APC: variants seen among roughly 807,000 people sequenced by gnomAD.
The protein encoded by APC is APC regulator of Wnt signaling pathway.
APC carries 72 observed loss-of-function variants against 247.0 expected under a neutral mutation model. That is an observed-to-expected ratio of 0.29 (90% CI 0.24 to 0.35). APC has a LOEUF of 0.35. Among genes scored for constraint, APC ranks in the 10% least tolerant of loss-of-function variants. The pLI, the probability that APC is intolerant of heterozygous loss-of-function variation, is 1.00. For missense variants in APC, 3,400 were observed against 3,360.7 expected (o/e 1.01, Z -0.29); for synonymous variants, 1,254 against 1,162.5 (o/e 1.08, Z -1.60).
intron 1 of APC, among the ~76,000 whole-genome samples, chr5:112,752,854 C>G (rs757393971): frequency 8.6e-5 from 13 of 152,018 alleles, no homozygotes; most frequent in Non-Finnish European, 1.6e-4. Flanking sequence ...GATTGGGAAT[C>G]TGGAGTTAAG....
intron 10 of APC, among the ~76,000 whole-genome samples, chr5:112,819,940 G>A (rs1762946840): frequency 1.3e-5 from 2 of 152,052 alleles, no homozygotes; most frequent in Non-Finnish European, 2.9e-5. Flanking sequence ...CAGATCTCCT[G>A]ACTCTCAGCT....
intron 15 of APC, among the ~76,000 whole-genome samples, chr5:112,835,954 G>A (rs1193284627): frequency 2.0e-5 from 3 of 150,658 alleles, no homozygotes; most frequent in East Asian, 1.9e-4. Context: ...TTCAGATACA[G>A]GGCACACATT....
upstream of APC, among the ~76,000 whole-genome samples, chr5:112,735,068 A>C (rs1752306184): frequency 6.6e-6 from 1 of 152,170 alleles, no homozygotes. Flanking sequence ...CATTTACTAA[A>C]AGCAATGAAG....
chr5:112,717,902 C>CTTTTTTTTTTTTTTTTTTTTTTT (rs1289888067), intron 1 of APC, among the ~76,000 whole-genome samples: 5 of 22,302 alleles, frequency 2.2e-4, no homozygotes, highest in East Asian at 1.3e-3. Context: ...TTTTCTTTTT[C>CTTTTTTTTTTTTTTTTTTTTTTT]TTTTTCTTTT....
At position 112,842,435 on chromosome 5, in the gene APC, G is replaced by A. The variant is rs1236451833; in HGVS notation, c.6841G>A (p.Glu2281Lys). The A allele has an allele frequency of 6.2e-7, 1 of 1,613,984 alleles. No individual in the cohort carries two copies. Among genetic ancestry groups the A allele is most frequent in the South Asian group, 1.1e-5 (1 of 91,076 alleles). Residue 2281 changes from glutamate to lysine, a missense_variant, in exon 16 of 16, where the codon GAA becomes AAA. Glu to Lys is a moderately conservative substitution (Grantham distance 56). Transcript: ENST00000257430. ...PRGAKPSVKS[E>K]LSPVARQTSQ... Reference sequence around the variant, plus strand: ...AGGAGCCAAGCCATCTGTGAAATCAGAATTAAGCCCTGTTGCCAGGCAGAC... The same window carrying A: ...AGGAGCCAAGCCATCTGTGAAATCAAAATTAAGCCCTGTTGCCAGGCAGAC...
At chr5:112,782,733 A>T (rs1758485187) in intron 6 of APC, among the ~76,000 whole-genome samples, 2 of 152,216 alleles carry the variant, frequency 1.3e-5, no homozygotes, top group Non-Finnish European at 2.9e-5. Context: ...GTATTTCTTA[A>T]GAAAGACTTA....
rs747739964 is a variant in APC, at chr5:112,827,154, G to A, written c.1455G>A (p.Met485Ile). 3 of 1,613,730 alleles carry A rather than the reference G, an allele frequency of 1.9e-6. No individual in the cohort carries two copies. Among genetic ancestry groups the A allele is most frequent in the East Asian group, 4.5e-5 (2 of 44,830 alleles). ...AATTATTGCAAGTGGACTGTGAAAT[G>A]TATGGGCTTACTAATGACCACTACA... is the stretch of plus-strand genomic sequence containing the variant. ...IAELLQVDCE[M>I]YGLTNDHYSI... The change falls in exon 12 of 16, where the codon ATG becomes ATA. Residue 485 changes from methionine (M) to isoleucine (I), a missense_variant. Physicochemically the swap from Met to Ile is conservative, Grantham distance 10. Transcript: ENST00000257430.
Position 112,840,773 on chromosome 5 carries a change from T to C in APC, c.5179T>C (p.Cys1727Arg), listed in dbSNP as rs758815860. 9.9e-6 allele frequency: 16 copies of C among 1,613,918 alleles called. No homozygotes were observed. Among genetic ancestry groups the C allele is most frequent in the African/African-American group, 2.7e-5 (2 of 74,924 alleles). The change falls in exon 16 of 16, where the codon TGC becomes CGC. Residue 1727 changes from cysteine (C) to arginine (R), a missense_variant. Cys to Arg is a radical substitution (Grantham distance 180). Coordinates refer to ENST00000257430, the MANE Select transcript of APC (RefSeq NM_000038.6). The surrounding 1 kb of genome is among the most constrained non-coding windows in gnomAD (Gnocchi z 4.1). Reference sequence around the variant, plus strand: ...AGAGGAAGGTGATATTCTTGCAGAATGCATTAATTCTGCTATGCCCAAAGG... The same window carrying C: ...AGAGGAAGGTGATATTCTTGCAGAACGCATTAATTCTGCTATGCCCAAAGG... ...KAEEGDILAE[C>R]INSAMPKGKS...
chr5:112,707,649 G>C lies in APC; in HGVS notation c.-69G>C, dbSNP rs2149630009. 1.5e-6 allele frequency: 2 copies of C among 1,362,392 alleles called. No homozygotes were observed. The highest frequency in any genetic ancestry group is 1.9e-6 in the Non-Finnish European group (2 of 1,031,608). 84.4% of individuals were successfully genotyped at this position (1,362,392 alleles called of 1,614,324 possible). A position where few individuals can be genotyped will look rare whatever the true frequency, so the allele number is the denominator to read the frequency against. On this transcript the variant is annotated 5_prime_UTR_variant, in exon 1 of 14. Transcript: ENST00000507379. The stretch of plus-strand genomic sequence containing the variant: ...CGAGGTTGGCTCGATGCTGTTCCCA[G>C]GTACTGTTGTTGGCTGTTGGTGAGG...
intron 1 of APC, among the ~76,000 whole-genome samples, chr5:112,724,667 G>C (rs1751676116): frequency 6.6e-6 from 1 of 152,130 alleles, no homozygotes; most frequent in African/African-American, 2.4e-5. Context: ...TTTGGGAGAG[G>C]TCATCTAAAT....
At chr5:112,835,317 C>A (rs2149845530) in intron 15 of APC, 152 bp downstream of exon 15, 1 of 730,016 alleles carries the variant, frequency 1.4e-6, no homozygotes, top group South Asian at 1.8e-5. Flanking sequence ...TAGTTTAACT[C>A]ATTAGTGTAC....
chr5:112,744,380 C>A (rs1045477199), intron 1 of APC, among the ~76,000 whole-genome samples: 3 of 152,066 alleles, frequency 2.0e-5, no homozygotes, highest in African/African-American at 7.2e-5. Context: ...GTATATTTGT[C>A]TTTTATATGG....
intron 2 of APC, among the ~76,000 whole-genome samples, chr5:112,763,021 C>T (rs1352336098): frequency 6.6e-6 from 1 of 152,162 alleles, no homozygotes; most frequent in Non-Finnish European, 1.5e-5. Context: ...AGTAATTTAA[C>T]ACATCATTGG....
rs141454910 is a variant in APC at position 112,842,731 on chromosome 5, C to G, written c.7137C>G (p.Thr2379=). 19 of 1,613,794 alleles carry G rather than the reference C, an allele frequency of 1.2e-5. No homozygotes were observed. The African/African-American group carries it at 2.5e-4, about 22-fold the overall frequency. ...PGRQMSQQNL[T]KQTGLSKNAS... is the part of the protein sequence containing the mutation. The stretch of plus-strand genomic sequence containing the variant: ...GACAGATGAGCCAACAGAACCTTAC[C>G]AAACAAACAGGTTTATCCAAGAATG... The change falls in exon 16 of 16, where the codon ACC becomes ACG. Residue 2379 remains threonine (T), a synonymous_variant. Transcript: ENST00000257430.
At position 112,767,189 on chromosome 5, in the gene APC, A is replaced by G. The variant is rs773347338; in HGVS notation, c.221A>G (p.Glu74Gly). ...GQIDLLERLK[E>G]LNLDSSNFPG... ...AAAAACTTGTTTCTATTTTATTTAG[A>G]GCTTAACTTAGATAGCAGTAATTTC... The change falls in exon 4 of 16, where the codon GAG (glutamate) becomes GGG (glycine). Residue 74 changes from glutamate (E) to glycine (G), a missense_variant and splice_region_variant. Physicochemically the swap from Glu to Gly is moderately conservative, Grantham distance 98. Transcript: ENST00000257430. 1 of 1,612,306 alleles carries G rather than the reference A, an allele frequency of 6.2e-7. No individual in the cohort carries two copies. Among genetic ancestry groups the G allele is most frequent in the East Asian group, 2.2e-5 (1 of 44,856 alleles).
intron 8 of APC, among the ~76,000 whole-genome samples, chr5:112,806,170 C>T (rs1477911978): frequency 2.6e-5 from 4 of 152,154 alleles, no homozygotes; most frequent in Non-Finnish European, 5.9e-5. Context: ...CAGAGAGGCT[C>T]GAACAGATCA....
At chr5:112,815,407 GA>G in intron 8 of APC, 87 bp from the exon 9 acceptor site, 1 of 918,494 alleles carries the variant, frequency 1.1e-6, no homozygotes, top group Non-Finnish European at 1.8e-6. Flanking sequence ...TTATCATACA[GA>G]CACTTCATTT....
intron 8 of APC, among the ~76,000 whole-genome samples, chr5:112,808,984 G>C (rs971281233): frequency 3.3e-5 from 5 of 152,128 alleles, no homozygotes; most frequent in African/African-American, 1.2e-4. Flanking sequence ...AAGGAGGTTT[G>C]TGAGAGAAAA....
Position 112,810,393 on chromosome 5 carries a change from T to C in APC, c.835-5102T>C, listed in dbSNP as rs1265151538. 2.5e-5 allele frequency: 6 copies of C among 238,076 alleles called. No homozygotes were observed. The Admixed American group carries it at 3.1e-4, about 12-fold the overall frequency. The allele number at this position is 238,076 out of a possible 1,614,324, so 14.7% of individuals were successfully genotyped here. On this transcript the variant is annotated intron_variant, in intron 8 of 15. Coordinates refer to ENST00000257430, the MANE Select transcript of APC (RefSeq NM_000038.6). ...TTTTCTATAAAGTAGAAGGTAAAGT[T>C]ATATGCAGTAAGAGAAGAAGAGCCA...
Sources: allele counts gnomAD v4.1 joint callset (sites outside exome capture counted in the v4.1 genomes callset), GRCh38; gene constraint gnomAD v4.1.1; non-coding constraint Gnocchi (gnomAD v3.1); transcripts MANE v1.5; gene names NCBI Gene and HGNC (gene_info 2026-07-23, HGNC 2026-07-21).